SLC6A5: variants seen among roughly 807,000 people sequenced by gnomAD.
SLC6A5 encodes solute carrier family 6 member 5.
A neutral mutation model predicts 90.5 loss-of-function variants in SLC6A5; 58 were observed. The observed-to-expected ratio is 0.64, with a 90% CI of 0.52 to 0.80. The LOEUF (loss-of-function observed/expected upper bound fraction) is 0.80. Among genes scored for constraint, SLC6A5 ranks in the 30% least tolerant of loss-of-function variants. The pLI, the probability that SLC6A5 is intolerant of heterozygous loss-of-function variation, is 0.00. For missense variants in SLC6A5, 1,015 were observed against 1,017.6 expected (o/e 1.00, Z 0.03); for synonymous variants, 427 against 401.4 (o/e 1.06, Z -0.76).
At chr11:20,642,358 T>C (rs962815730) in intron 13 of SLC6A5, among the ~76,000 whole-genome samples, 3 of 152,080 alleles carry the variant, frequency 2.0e-5, no homozygotes. Flanking sequence ...AGCAACTCTT[T>C]GACATCTCAG....
chr11:20,633,907 T>A (rs1853153708), intron 10 of SLC6A5, among the ~76,000 whole-genome samples: 1 of 152,204 alleles, frequency 6.6e-6, no homozygotes, highest in South Asian at 2.1e-4. Context: ...AGTCTTGCTC[T>A]GTCACCCAGG....
rs61671694 is a variant in SLC6A5, at chr11:20,655,326, G to GT, written c.*471dup. 7,604 of 181,290 alleles carry GT rather than the reference G, an allele frequency of 0.042. No homozygotes were observed. Among genetic ancestry groups the GT allele is most frequent in the South Asian group, 0.098 (865 of 8,836 alleles). The allele number at this position is 181,290 out of a possible 1,614,324, so 11.2% of individuals were successfully genotyped here. ...TTCAGACACACAAAGTTCAAGACAG[G>GT]TTTTTTTTTTTTTCAGAGAGTTAGC... On this transcript the variant is annotated 3_prime_UTR_variant, in exon 16 of 16. Coordinates refer to ENST00000525748, the MANE Select transcript of SLC6A5 (RefSeq NM_004211.5).
At chr11:20,619,020 A>G (rs1852840398) in intron 7 of SLC6A5, among the ~76,000 whole-genome samples, 2 of 151,920 alleles carry the variant, frequency 1.3e-5, no homozygotes, top group Non-Finnish European at 2.9e-5. Context: ...TATTCTGATC[A>G]CATGCAATAA....
chr11:20,653,553 G>A (rs745312467), intron 15 of SLC6A5, among the ~76,000 whole-genome samples: 5 of 152,214 alleles, frequency 3.3e-5, no homozygotes, highest in African/African-American at 4.8e-5. Context: ...CATGTGGTAC[G>A]TGCACAACAC....
chr11:20,635,003 A>G (rs1400980935), intron 10 of SLC6A5, among the ~76,000 whole-genome samples: 1 of 152,150 alleles, frequency 6.6e-6, no homozygotes, highest in Non-Finnish European at 1.5e-5. Flanking sequence ...ACCGTGAGGC[A>G]GGGAGAATGG....
chr11:20,643,108 A>G (rs573472689), intron 13 of SLC6A5, among the ~76,000 whole-genome samples: 1 of 152,224 alleles, frequency 6.6e-6, no homozygotes, highest in East Asian at 1.9e-4. Flanking sequence ...CTTGAGCCCT[A>G]TCATATCGGT....
intron 14 of SLC6A5, among the ~76,000 whole-genome samples, chr11:20,647,551 A>T (rs1239998811): frequency 6.6e-6 from 1 of 151,308 alleles, no homozygotes; most frequent in South Asian, 2.1e-4. Context: ...AGTCTGCTTT[A>T]TGTACTAATA....
chr11:20,620,551 C>T (rs116799487), intron 7 of SLC6A5, among the ~76,000 whole-genome samples: 1 of 152,198 alleles, frequency 6.6e-6, no homozygotes, highest in Non-Finnish European at 1.5e-5. Flanking sequence ...GACATCTCCA[C>T]AGCAGTGGCT....
chr11:20,651,019 G>T (rs1853520791), intron 14 of SLC6A5, among the ~76,000 whole-genome samples: 1 of 151,938 alleles, frequency 6.6e-6, no homozygotes, highest in South Asian at 2.1e-4. Context: ...CCTTCTGTTT[G>T]TCCCATAGCT....
chr11:20,601,392 G>T lies in SLC6A5; in HGVS notation c.267G>T (p.Ala89=), dbSNP rs569857405. The change falls in exon 2 of 16, where the codon GCG becomes GCT. Residue 89 remains alanine (A), a synonymous_variant. Coordinates refer to ENST00000525748, the MANE Select transcript of SLC6A5 (RefSeq NM_004211.5). ...SCKLSSPRAQ[A]ASAALRDLRE... is the part of the protein sequence containing the mutation. ...AACTCAGTAGCCCGCGGGCGCAGGC[G>T]GCCTCTGCAGCTCTGCGGGACTTGA... 89 of 1,604,150 alleles carry T rather than the reference G, an allele frequency of 5.5e-5. No individual in the cohort carries two copies. The East Asian group carries it at 1.9e-3, about 34-fold the overall frequency.
chr11:20,656,591 C>T lies in SLC6A5; in HGVS notation c.*1723C>T, dbSNP rs1590187259. On this transcript the variant is annotated 3_prime_UTR_variant, in exon 16 of 16. Transcript: ENST00000525748. ...CTCCCTTTTCTAGGGCAAGTATCAT[C>T]GCCATTTGCCAACATCAATATGAAC... 1 of 152,128 alleles carries T rather than the reference C, an allele frequency of 6.6e-6. No homozygotes were observed. The highest frequency in any genetic ancestry group is 1.5e-5 in the Non-Finnish European group (1 of 68,026). The allele number at this position is 152,128 out of a possible 1,614,324, so 9.4% of individuals were successfully genotyped here. A position where few individuals can be genotyped will look rare whatever the true frequency, so the allele number is the denominator to read the frequency against.
chr11:20,659,088 A>C lies in SLC6A5; in HGVS notation c.*4220A>C, dbSNP rs1182312085. The C allele has an allele frequency of 6.8e-6, 1 of 146,572 alleles. No homozygotes were observed. Among genetic ancestry groups the C allele is most frequent in the African/African-American group, 2.5e-5 (1 of 39,812 alleles). 9.1% of individuals were successfully genotyped at this position (146,572 alleles called of 1,614,324 possible). On this transcript the variant is annotated 3_prime_UTR_variant, in exon 16 of 16. Coordinates refer to ENST00000525748, the MANE Select transcript of SLC6A5 (RefSeq NM_004211.5). ...ATATATATATATATATATATCTTAT[A>C]GATTACATATTATATACTGCACATT...
At position 20,641,330 on chromosome 11, in the gene SLC6A5, G is replaced by C. The variant is rs368033563; in HGVS notation, c.1969+2772G>C. Among the ~76,000 whole-genome samples the C allele has an allele frequency of 2.2e-3, 330 of 152,258 alleles. 1 individual carries two copies. The highest frequency in any genetic ancestry group is 6.8e-3 in the Middle Eastern group (2 of 294). ...TGGTCTTGATCTGTTTTCCATGTCA[G>C]TCAGTTACTTGTTTCACATTCCACC... On this transcript the variant is annotated intron_variant, in intron 13 of 15. Coordinates refer to ENST00000525748, the MANE Select transcript of SLC6A5 (RefSeq NM_004211.5).
At chr11:20,640,173 G>A (rs569496559) in intron 13 of SLC6A5, among the ~76,000 whole-genome samples, 1 of 152,164 alleles carries the variant, frequency 6.6e-6, no homozygotes, top group Non-Finnish European at 1.5e-5. Flanking sequence ...GTCACTAGAC[G>A]ATCAGTTGGC....
chr11:20,625,704 C>T (rs1852980925), intron 7 of SLC6A5, among the ~76,000 whole-genome samples: 1 of 152,140 alleles, frequency 6.6e-6, no homozygotes, highest in African/African-American at 2.4e-5. Context: ...CAACTTTATG[C>T]TGTGCTGATA....
intron 13 of SLC6A5, among the ~76,000 whole-genome samples, chr11:20,641,026 G>A (rs1021716424): frequency 2.0e-5 from 3 of 152,184 alleles, no homozygotes; most frequent in Non-Finnish European, 4.4e-5. Flanking sequence ...TGAAACAGTT[G>A]TTTGACGTTC....
At chr11:20,626,986 A>G in intron 8 of SLC6A5, 144 bp downstream of exon 8, 1 of 693,736 alleles carries the variant, frequency 1.4e-6, no homozygotes, top group East Asian at 2.6e-5. Context: ...TTATGCACTC[A>G]GGAAATATTT....
At chr11:20,611,392 T>C (rs981352097) in intron 5 of SLC6A5, among the ~76,000 whole-genome samples, 3 of 152,156 alleles carry the variant, frequency 2.0e-5, no homozygotes, top group Non-Finnish European at 2.9e-5. Flanking sequence ...GAGGTAGAGG[T>C]TGCAGTGAGC....
chr11:20,626,871 C>T (rs1477178422), intron 8 of SLC6A5, 29 bp downstream of exon 8: 1 of 1,609,076 alleles, frequency 6.2e-7, no homozygotes, highest in Admixed American at 1.7e-5. Flanking sequence ...CTATAACCAG[C>T]CCTGGGGGAG....
Sources: gnomAD v4.1 joint callset for allele counts (sites outside exome capture counted in the v4.1 genomes callset) on GRCh38, gnomAD v4.1.1 for gene constraint, MANE v1.5 for transcripts, NCBI Gene and HGNC (gene_info 2026-07-23, HGNC 2026-07-21) for gene names.